The following NDRG1 variants were observed in gnomAD, a reference collection of about 807,000 sequenced individuals.
NDRG1 encodes protein NDRG1.
NDRG1 carries 32 observed loss-of-function variants against 56.9 expected under a neutral mutation model. That is an observed-to-expected ratio of 0.56 (90% CI 0.42 to 0.76). The LOEUF (loss-of-function observed/expected upper bound fraction) is 0.76. Ranked by LOEUF, NDRG1 falls within the 30% of genes least tolerant of loss-of-function variation. The pLI, the probability that NDRG1 is intolerant of heterozygous loss-of-function variation, is 0.00. For synonymous variants in NDRG1, 211 were observed against 204.1 expected, an observed-to-expected ratio of 1.03 and a Z score of -0.29; for missense variants, 507 against 545.7, an observed-to-expected ratio of 0.93 and a Z score of 0.71.
intron 13 of NDRG1, 101 bp from the exon 14 acceptor site, chr8:133,244,491 C>CCCTGCCTTGT: frequency 7.3e-7 from 1 of 1,366,770 alleles, no homozygotes. Context: ...CGCTGCCCTG[C>CCCTGCCTTGT]CCTGCCTTGT....
chr8:133,280,425 C>CTT (rs34104549), intron 2 of NDRG1, among the ~76,000 whole-genome samples, 158 bp from the exon 3 acceptor site: 63 of 138,272 alleles, frequency 4.6e-4, no homozygotes, highest in Middle Eastern at 3.7e-3. Flanking sequence ...TTCCTTTTCT[C>CTT]TTTTTTTTTT....
At chr8:133,258,224 A>ACC in intron 7 of NDRG1, 142 bp downstream of exon 7, 3 of 785,776 alleles carry the variant, frequency 3.8e-6, no homozygotes, top group East Asian at 2.7e-5. Context: ...GTACCCATGC[A>ACC]CCACACACAC....
At chr8:133,283,890 G>A (rs944882271) in intron 2 of NDRG1, among the ~76,000 whole-genome samples, 1 of 152,250 alleles carries the variant, frequency 6.6e-6, no homozygotes, top group African/African-American at 2.4e-5. Context: ...CAGAATGTTA[G>A]AGACGGGAAA....
At chr8:133,260,350 C>T (rs993033536) in intron 5 of NDRG1, among the ~76,000 whole-genome samples, 9 of 152,198 alleles carry the variant, frequency 5.9e-5, no homozygotes, top group Admixed American at 2.0e-4. Context: ...TCCCTCACCC[C>T]TCCCAAGCCC....
intron 5 of NDRG1, among the ~76,000 whole-genome samples, chr8:133,260,656 C>G (rs75974071): frequency 6.6e-6 from 1 of 152,206 alleles, no homozygotes; most frequent in African/African-American, 2.4e-5. Flanking sequence ...CAATTAACCA[C>G]GTCCCACTGT....
rs995056665 is a variant in NDRG1, at chr8:133,238,570, G to C, written c.*308C>G. 5 of 475,708 alleles carry C rather than the reference G, an allele frequency of 1.1e-5. No individual in the cohort carries two copies. Among genetic ancestry groups the C allele is most frequent in the South Asian group, 3.2e-5 (1 of 30,812 alleles). 29.5% of individuals were successfully genotyped at this position (475,708 alleles called of 1,614,324 possible). ...GGCTTTGTGAAGTGTGTGCTGCTACGCGTCTTGTTTTTGGCAGTTTGGTGT... is the reference window on the plus strand; with the variant it reads ...GGCTTTGTGAAGTGTGTGCTGCTACCCGTCTTGTTTTTGGCAGTTTGGTGT... On this transcript the variant is annotated 3_prime_UTR_variant, in exon 16 of 16. Coordinates refer to ENST00000323851, the MANE Select transcript of NDRG1 (RefSeq NM_006096.4).
intron 3 of NDRG1, among the ~76,000 whole-genome samples, chr8:133,272,931 T>A (rs768348061): frequency 6.6e-6 from 1 of 152,182 alleles, no homozygotes; most frequent in African/African-American, 2.4e-5. Flanking sequence ...ACCATTTCCA[T>A]TTTCCCTGTG....
At chr8:133,255,271 T>G in intron 8 of NDRG1, 2 of 456,282 alleles carry the variant, frequency 4.4e-6, no homozygotes, top group Non-Finnish European at 8.8e-6. Context: ...TCTGCATACC[T>G]CTGGGTCTCA....
intron 6 of NDRG1, 89 bp from the exon 7 acceptor site, chr8:133,258,515 C>A: frequency 7.6e-7 from 1 of 1,309,032 alleles, no homozygotes; most frequent in East Asian, 2.5e-5. Context: ...AGGGTGACCG[C>A]CTGGCTAGGC....
intron 8 of NDRG1, chr8:133,255,498 G>A: frequency 2.4e-6 from 1 of 408,496 alleles, no homozygotes; most frequent in Non-Finnish European, 5.0e-6. Context: ...ACATTAGCCA[G>A]TGGTCGACAT....
intron 8 of NDRG1, chr8:133,255,162 C>G: frequency 2.6e-6 from 1 of 389,954 alleles, no homozygotes. Flanking sequence ...TGTGTGCTGA[C>G]CTAAGCATTA....
intron 1 of NDRG1, among the ~76,000 whole-genome samples, chr8:133,286,216 A>G (rs1370216840): frequency 1.3e-5 from 2 of 152,240 alleles, no homozygotes; most frequent in South Asian, 2.1e-4. Context: ...TAAATGAGCA[A>G]TGTAGCTCAA....
chr8:133,287,186 T>G (rs1858168235), intron 1 of NDRG1, among the ~76,000 whole-genome samples: 1 of 152,080 alleles, frequency 6.6e-6, no homozygotes, highest in Non-Finnish European at 1.5e-5. Context: ...AAATAAAAAT[T>G]TTAAAATTTA....
intron 9 of NDRG1, among the ~76,000 whole-genome samples, chr8:133,253,343 T>A (rs1267886206): frequency 6.6e-6 from 1 of 152,242 alleles, no homozygotes; most frequent in South Asian, 2.1e-4. Context: ...GTGACCAGAA[T>A]GAAGCCAGAT....
intron 5 of NDRG1, among the ~76,000 whole-genome samples, chr8:133,259,623 G>A (rs1263063539): frequency 1.3e-5 from 2 of 152,218 alleles, no homozygotes; most frequent in African/African-American, 2.4e-5. Flanking sequence ...GGTCTAGGGT[G>A]TTGCAGAAAC....
intron 3 of NDRG1, among the ~76,000 whole-genome samples, chr8:133,274,462 A>G (rs1720333689): frequency 6.6e-6 from 1 of 152,202 alleles, no homozygotes; most frequent in Admixed American, 6.5e-5. Flanking sequence ...AAATAAAGCG[A>G]CTCAGACTCC....
rs550340048 is a variant in NDRG1, at chr8:133,248,811, C to T, written c.699-40G>A. On this transcript the variant is annotated intron_variant, in intron 10 of 15. Coordinates refer to ENST00000323851, the MANE Select transcript of NDRG1 (RefSeq NM_006096.4). ...TGCATCATTAGCATGAGGACCCCTCCCCTGGAGAAATCTCCCACTCCCATC... is the reference window on the plus strand; with the variant it reads ...TGCATCATTAGCATGAGGACCCCTCTCCTGGAGAAATCTCCCACTCCCATC... The T allele has an allele frequency of 2.0e-5, 33 of 1,612,992 alleles. No individual in the cohort carries two copies. The South Asian group carries it at 3.5e-4, about 17-fold the overall frequency.
intron 2 of NDRG1, among the ~76,000 whole-genome samples, chr8:133,283,608 C>T (rs1340523824): frequency 6.6e-6 from 1 of 152,252 alleles, no homozygotes; most frequent in Non-Finnish European, 1.5e-5. Context: ...CATTGCCCAT[C>T]TCCTCTATGG....
chr8:133,268,927 C>T (rs148250458), intron 3 of NDRG1, among the ~76,000 whole-genome samples: 10 of 152,264 alleles, frequency 6.6e-5, no homozygotes, highest in South Asian at 4.1e-4. Context: ...TGCACGCACG[C>T]GGTTCTAAGC....
Sources: allele counts gnomAD v4.1 joint callset (sites outside exome capture counted in the v4.1 genomes callset), GRCh38; gene constraint gnomAD v4.1.1; transcripts MANE v1.5; gene names NCBI Gene and HGNC (gene_info 2026-07-23, HGNC 2026-07-21).